BRD9: variants seen among roughly 807,000 people sequenced by gnomAD.
The protein encoded by BRD9 is bromodomain containing 9.
Under a neutral mutation model 68.7 loss-of-function variants are expected in BRD9, and 47 were observed. The ratio of observed to expected loss-of-function variants is 0.68; its 90% confidence interval spans 0.54 to 0.87. The LOEUF is 0.87. Ranked by LOEUF, BRD9 falls within the 40% of genes least tolerant of loss-of-function variation. The pLI is 0.00. For synonymous variants in BRD9, 313 were observed against 293.9 expected, an observed-to-expected ratio of 1.06 and a Z score of -0.67; for missense variants, 670 against 748.4, an observed-to-expected ratio of 0.90 and a Z score of 1.22.
chr5:872,632 A>C (rs1041029638), intron 12 of BRD9, among the ~76,000 whole-genome samples: 1 of 152,206 alleles, frequency 6.6e-6, no homozygotes, highest in African/African-American at 2.4e-5. Context: ...GCTGCTCCTC[A>C]GAGCTGCAGA....
rs1160856141 is a variant in BRD9 at position 865,459 on chromosome 5, G to A, written c.1648C>T (p.Leu550Phe). Residue 550 changes from leucine (L) to phenylalanine (F), a missense_variant, in exon 15 of 16, where the codon CTC becomes TTC. Around this residue, in one of 5 missense-constraint regions of BRD9, gnomAD observed 280 missense variants for 281.5 expected, o/e 0.99. Coordinates refer to ENST00000467963, the MANE Select transcript of BRD9 (RefSeq NM_023924.5). ...TCGGAGGCGTTGGACAGGGAGCTGAGGTTGGACGACGGCCGAGAGCCGCCG... is the reference window on the plus strand; with the variant it reads ...TCGGAGGCGTTGGACAGGGAGCTGAAGTTGGACGACGGCCGAGAGCCGCCG... Reference protein sequence around the residue: ...ERGGSRPSSNLSSLSNASERD... With the variant: ...ERGGSRPSSNFSSLSNASERD... 2.5e-6 allele frequency: 4 copies of A among 1,598,402 alleles called. No homozygotes were observed. The highest frequency in any genetic ancestry group is 3.4e-6 in the Non-Finnish European group (4 of 1,170,354).
At position 888,953 on chromosome 5, in the gene BRD9, G is replaced by C. The variant is rs73733986; in HGVS notation, c.606+68C>G. 11,689 of 1,485,412 alleles carry C rather than the reference G, an allele frequency of 7.9e-3. 612 individuals are homozygous for C. In the African/African-American group the frequency reaches 0.13, roughly 16 times the overall value. The allele number at this position is 1,485,412 out of a possible 1,614,324, so 92.0% of individuals were successfully genotyped here. On this transcript the variant is annotated intron_variant, in intron 5 of 15. Transcript: ENST00000467963. ...AAACTAGAAATGATCTAAGGTGAAT[G>C]AAGTCTTCACAAGACATGAATACAC... is the stretch of plus-strand genomic sequence containing the variant.
chr5:880,809 T>C (rs1365730594), intron 9 of BRD9, among the ~76,000 whole-genome samples: 1 of 152,246 alleles, frequency 6.6e-6, no homozygotes, highest in African/African-American at 2.4e-5. Context: ...GAACCCTTCC[T>C]GATGCTAGTG....
chr5:872,661 C>T (rs918115081), intron 12 of BRD9, among the ~76,000 whole-genome samples: 2 of 152,310 alleles, frequency 1.3e-5, no homozygotes, highest in African/African-American at 4.8e-5. Context: ...TGGGGACTCC[C>T]GCCTGGCTGC....
intron 15 of BRD9, 65 bp downstream of exon 15, chr5:865,349 C>T (rs955251889): frequency 1.7e-5 from 25 of 1,492,500 alleles, no homozygotes; most frequent in Middle Eastern, 2.4e-4. Context: ...CCCACTACCT[C>T]GTCTAGACGT....
At chr5:884,165 C>A in intron 7 of BRD9, 95 bp from the exon 8 acceptor site, 4 of 1,504,760 alleles carry the variant, frequency 2.7e-6, no homozygotes, top group Non-Finnish European at 3.6e-6. Context: ...TCTACCGACC[C>A]TGCCCTCAGA....
chr5:883,658 G>A (rs779900573), intron 8 of BRD9: 24 of 518,910 alleles, frequency 4.6e-5, no homozygotes, highest in South Asian at 2.1e-4. Flanking sequence ...CCAAGAGAAA[G>A]GATTAGCCTG....
In BRD9 at chr5:889,622, C is replaced by T. The variant is rs1299211812; in HGVS notation, c.426G>A (p.Gln142=). ...QPAENESTPI[Q]QLLEHFLRQL... ...GGCGGAGGAAGTGTTCCAGGAGTTGCTGAATAGGTGTGCTCTCATTTTCGG... is the reference window on the plus strand; with the variant it reads ...GGCGGAGGAAGTGTTCCAGGAGTTGTTGAATAGGTGTGCTCTCATTTTCGG... The change falls in exon 4 of 16, where the codon CAG becomes CAA. Residue 142 remains glutamine (Q), a synonymous_variant. Coordinates refer to ENST00000467963, the MANE Select transcript of BRD9 (RefSeq NM_023924.5). The T allele has an allele frequency of 3.1e-6, 5 of 1,613,566 alleles. No homozygotes were observed. Among genetic ancestry groups the T allele is most frequent in the East Asian group, 2.2e-5 (1 of 44,862 alleles).
At chr5:889,777 A>T (rs759191814) in intron 3 of BRD9, 130 bp from the exon 4 acceptor site, 33 of 1,513,694 alleles carry the variant, frequency 2.2e-5, no homozygotes, top group Non-Finnish European at 2.7e-5. Flanking sequence ...CTGGGGATAT[A>T]AAGATACATC....
intron 5 of BRD9, chr5:888,479 CT>C (rs1315099046): frequency 1.3e-5 from 2 of 152,264 alleles, no homozygotes; most frequent in Non-Finnish European, 2.9e-5. Context: ...AATCTAATGC[CT>C]TTCTAAACTA....
chr5:891,667 C>T lies in BRD9; in HGVS notation c.240G>A (p.Leu80=). The stretch of plus-strand genomic sequence containing the variant: ...TTCGCTTCCTTCTTTCCTCATCGTC[C>T]AGATGCTTCTCCTTCTCGGACTTCT... The part of the protein sequence containing the change: ...KKKKSEKEKH[L]DDEERRKRKE... Residue 80 remains leucine, a synonymous_variant, in exon 2 of 16, where the codon CTG becomes CTA. Coordinates refer to ENST00000467963, the MANE Select transcript of BRD9 (RefSeq NM_023924.5). 6.4e-7 allele frequency: 1 copy of T among 1,551,600 alleles called. No homozygotes were observed. Among genetic ancestry groups the T allele is most frequent in the Non-Finnish European group, 8.7e-7 (1 of 1,147,026 alleles).
At chr5:876,289 G>A (rs1750914760) in intron 11 of BRD9, 77 bp from the exon 12 acceptor site, 3 of 1,105,540 alleles carry the variant, frequency 2.7e-6, no homozygotes, top group African/African-American at 3.1e-5. Flanking sequence ...GATCACAGAA[G>A]CCTGCCGTGC....
intron 14 of BRD9, chr5:869,439 A>G (rs749940425): frequency 3.1e-5 from 14 of 445,926 alleles, no homozygotes; most frequent in South Asian, 2.1e-4. Flanking sequence ...TCCCTTTGAC[A>G]TATTTTGAAA....
chr5:871,433 G>C (rs1236901130), intron 13 of BRD9, 93 bp downstream of exon 13: 1 of 1,141,686 alleles, frequency 8.8e-7, no homozygotes, highest in East Asian at 2.3e-5. Context: ...TCTAAACGCC[G>C]TCATACACAC....
At chr5:881,360 C>T (rs1030654494) in intron 8 of BRD9, 178 bp from the exon 9 acceptor site, 23 of 637,060 alleles carry the variant, frequency 3.6e-5, no homozygotes, top group Non-Finnish European at 5.2e-5. Context: ...CAGCAGAGCG[C>T]GCACAGGTGC....
At chr5:885,255 C>T (rs959591242) in intron 7 of BRD9, among the ~76,000 whole-genome samples, 2 of 152,218 alleles carry the variant, frequency 1.3e-5, no homozygotes, top group Non-Finnish European at 2.9e-5. Context: ...GTGGGGAGAC[C>T]GCCTTAGGGG....
At chr5:880,286 C>T (rs1179665004) in intron 9 of BRD9, among the ~76,000 whole-genome samples, 12 of 138,858 alleles carry the variant, frequency 8.6e-5, no homozygotes, top group African/African-American at 3.6e-4. Flanking sequence ...AAGTCACCAC[C>T]CACACACCAC....
chr5:866,481 T>C (rs1749398044), intron 14 of BRD9: 2 of 152,236 alleles, frequency 1.3e-5, no homozygotes, highest in Admixed American at 1.3e-4. Context: ...CTGGGAGAAC[T>C]TAAAGACAGG....
At chr5:870,096 G>A (rs1718927159) in intron 14 of BRD9, among the ~76,000 whole-genome samples, 2 of 152,344 alleles carry the variant, frequency 1.3e-5, no homozygotes, top group South Asian at 4.1e-4. Flanking sequence ...CCCGTGGGAA[G>A]GGGCTGCCTT....
Sources: allele counts gnomAD v4.1 joint callset (sites outside exome capture counted in the v4.1 genomes callset), GRCh38; gene constraint gnomAD v4.1.1; regional missense constraint gnomAD v4.1.1; transcripts MANE v1.5; gene names NCBI Gene and HGNC (gene_info 2026-07-23, HGNC 2026-07-21).